CMSS1: variants seen among roughly 807,000 people sequenced by gnomAD.
CMSS1 encodes protein CMSS1.
In CMSS1, 33 loss-of-function variants were observed where a neutral mutation model predicts 43.5. That is an observed-to-expected ratio of 0.76 (90% CI 0.57 to 1.01). The LOEUF (loss-of-function observed/expected upper bound fraction) is 1.01, where lower values mean the gene tolerates loss of function less well. Among genes scored for constraint, CMSS1 ranks in the 50% least tolerant of loss-of-function variants. The pLI is 0.00. For missense variants in CMSS1, 313 were observed against 326.4 expected (o/e 0.96, Z 0.32); for synonymous variants, 115 against 117.2 (o/e 0.98, Z 0.12).
At position 99,927,531 on chromosome 3, in the gene CMSS1, G is replaced by A. The variant is rs141448941; in HGVS notation, c.64+109488G>A. Among the ~76,000 whole-genome samples the A allele has an allele frequency of 2.6e-3, 389 of 152,056 alleles. 2 individuals carry two copies. Among genetic ancestry groups the A allele is most frequent in the African/African-American group, 8.9e-3 (369 of 41,508 alleles). On this transcript the variant is annotated intron_variant, in intron 1 of 9. Transcript: ENST00000421999. ...ATTACAGGCATGTGCCACCACGCCC[G>A]GCTAATTTTGTATTTTTAGTAGAAA...
At chr3:99,897,509 A>G (rs895660394) in intron 1 of CMSS1, among the ~76,000 whole-genome samples, 3 of 152,192 alleles carry the variant, frequency 2.0e-5, no homozygotes, top group Non-Finnish European at 4.4e-5. Context: ...CCAAATTTTG[A>G]ATTTTCTTTA....
At chr3:99,991,217 G>A (rs1709501530) in intron 1 of CMSS1, among the ~76,000 whole-genome samples, 1 of 152,132 alleles carries the variant, frequency 6.6e-6, no homozygotes. Flanking sequence ...CTTCTTTAAG[G>A]AGAGAATGTT....
chr3:100,001,934 C>T (rs915431109), intron 1 of CMSS1, among the ~76,000 whole-genome samples: 22 of 152,156 alleles, frequency 1.4e-4, no homozygotes, highest in African/African-American at 5.3e-4. Context: ...GAGGGAAGCA[C>T]AATGAGACAT....
At chr3:99,994,170 C>A (rs1368167709) in intron 1 of CMSS1, among the ~76,000 whole-genome samples, 1 of 152,048 alleles carries the variant, frequency 6.6e-6, no homozygotes. Flanking sequence ...TTGGTCTGTT[C>A]AGGAGTACTA....
chr3:100,143,523 G>A (rs997305030), intron 1 of CMSS1, among the ~76,000 whole-genome samples: 15 of 152,122 alleles, frequency 9.9e-5, no homozygotes, highest in East Asian at 5.8e-4. Flanking sequence ...GTATTCTGCC[G>A]TTGTTGATTG....
intron 1 of CMSS1, among the ~76,000 whole-genome samples, chr3:99,972,831 G>A (rs887593549): frequency 6.6e-6 from 1 of 152,224 alleles, no homozygotes; most frequent in Non-Finnish European, 1.5e-5. Context: ...CTTGGCATCT[G>A]TCTGATGCAG....
At chr3:99,899,851 C>T in intron 1 of CMSS1, among the ~76,000 whole-genome samples, 1 of 152,138 alleles carries the variant, frequency 6.6e-6, no homozygotes, top group Non-Finnish European at 1.5e-5. Flanking sequence ...GTGAGAGTAC[C>T]TTCCTCATAG....
intron 1 of CMSS1, among the ~76,000 whole-genome samples, chr3:99,875,189 G>GA (rs1183305225): frequency 2.6e-5 from 4 of 152,060 alleles, no homozygotes; most frequent in Non-Finnish European, 5.9e-5. Flanking sequence ...CTTTTAGTTG[G>GA]AAAAAATGAA....
chr3:100,100,898 A>T (rs1268836135), intron 1 of CMSS1, among the ~76,000 whole-genome samples: 1 of 152,186 alleles, frequency 6.6e-6, no homozygotes, highest in Admixed American at 6.5e-5. Context: ...TGATTCTTCC[A>T]TTCCTGGTGG....
At chr3:100,172,231 C>T (rs1367565467) in intron 7 of CMSS1, 85 bp from the exon 8 acceptor site, 27 of 1,239,806 alleles carry the variant, frequency 2.2e-5, no homozygotes, top group Non-Finnish European at 2.9e-5. Context: ...ACTTTCTTAA[C>T]TTTGAGATAA....
At chr3:99,855,067 T>C (rs1198541655) in intron 1 of CMSS1, among the ~76,000 whole-genome samples, 1 of 152,224 alleles carries the variant, frequency 6.6e-6, no homozygotes, top group Non-Finnish European at 1.5e-5. Flanking sequence ...ACCATTTACA[T>C]GTCAGATGTT....
intron 1 of CMSS1, among the ~76,000 whole-genome samples, chr3:99,842,087 T>C (rs1021067140): frequency 1.3e-5 from 2 of 152,148 alleles, no homozygotes; most frequent in African/African-American, 4.8e-5. Context: ...CCAGCTCAAA[T>C]GTCCATCAGT....
intron 1 of CMSS1, among the ~76,000 whole-genome samples, chr3:100,068,424 A>C (rs534610025): frequency 6.6e-6 from 1 of 151,980 alleles, no homozygotes; most frequent in South Asian, 2.1e-4. Flanking sequence ...AACACATTTA[A>C]CTACAAAACA....
chr3:100,006,690 C>T (rs549431046), intron 1 of CMSS1, among the ~76,000 whole-genome samples: 63 of 151,562 alleles, frequency 4.2e-4, no homozygotes, highest in South Asian at 3.1e-3. Flanking sequence ...GGGTTGCACT[C>T]AGCCCTTAGC....
At chr3:100,155,669 A>G (rs2066965063) in intron 2 of CMSS1, among the ~76,000 whole-genome samples, 1 of 152,154 alleles carries the variant, frequency 6.6e-6, no homozygotes, top group Admixed American at 6.5e-5. Context: ...ATTCTGAAAT[A>G]CAGCCTTCAG....
rs936946211 is a variant in CMSS1 at position 100,181,263 on chromosome 3, C to T, written c.*2875C>T. On this transcript the variant is annotated 3_prime_UTR_variant, in exon 10 of 10. Coordinates refer to ENST00000421999, the MANE Select transcript of CMSS1 (RefSeq NM_032359.4). Reference sequence around the variant, plus strand: ...GGCCCTTTGTAAACGTATAAAAAGACAACAATATAATTACAGCTGTCTTAT... The same window carrying T: ...GGCCCTTTGTAAACGTATAAAAAGATAACAATATAATTACAGCTGTCTTAT... The T allele has an allele frequency of 6.6e-6, 1 of 152,126 alleles. No homozygotes were observed. Among genetic ancestry groups the T allele is most frequent in the Non-Finnish European group, 1.5e-5 (1 of 68,000 alleles). The allele number at this position is 152,126 out of a possible 1,614,324, so 9.4% of individuals were successfully genotyped here. A position where few individuals can be genotyped will look rare whatever the true frequency, so the allele number is the denominator to read the frequency against.
rs1029370773 is a variant in CMSS1 at position 99,860,309 on chromosome 3, C to A, written c.64+42266C>A. On this transcript the variant is annotated intron_variant, in intron 1 of 9. Transcript: ENST00000421999. ...ACCTGAACGATTAATCTTACTAGGCCCCCCAGAGGTCAGGAGAAGTGAAAT... is the reference window on the plus strand; with the variant it reads ...ACCTGAACGATTAATCTTACTAGGCACCCCAGAGGTCAGGAGAAGTGAAAT... Among the ~76,000 whole-genome samples, 3 of 151,942 alleles carry A rather than the reference C, an allele frequency of 2.0e-5. No homozygotes were observed. The East Asian group carries it at 5.8e-4, about 29-fold the overall frequency.
intron 1 of CMSS1, among the ~76,000 whole-genome samples, chr3:100,061,016 C>A (rs1347310751): frequency 6.6e-6 from 1 of 152,106 alleles, no homozygotes; most frequent in Non-Finnish European, 1.5e-5. Flanking sequence ...TAGCCACACA[C>A]AAGAAACCAC....
At chr3:99,979,630 T>C (rs1346914337) in intron 1 of CMSS1, among the ~76,000 whole-genome samples, 1 of 152,238 alleles carries the variant, frequency 6.6e-6, no homozygotes, top group African/African-American at 2.4e-5. Flanking sequence ...AGACCTGTTA[T>C]TACATGAGTG....
Sources: allele counts gnomAD v4.1 joint callset (sites outside exome capture counted in the v4.1 genomes callset), GRCh38; gene constraint gnomAD v4.1.1; transcripts MANE v1.5; gene names NCBI Gene and HGNC (gene_info 2026-07-23, HGNC 2026-07-21).